The following ZNF331 variants were observed in gnomAD, a reference collection of about 807,000 sequenced individuals.
ZNF331 encodes C2H2-like zinc finger protein rearranged in thyroid adenomas.
Under a neutral mutation model 7.0 loss-of-function variants are expected in ZNF331, and 2 were observed. That is an observed-to-expected ratio of 0.29 (90% CI 0.12 to 0.90). ZNF331 has a LOEUF of 0.90. Ranked by LOEUF, ZNF331 falls within the 40% of genes least tolerant of loss-of-function variation. The pLI is 0.58. For synonymous variants in ZNF331, 196 were observed against 205.4 expected, an observed-to-expected ratio of 0.95 and a Z score of 0.39; for missense variants, 432 against 587.7, an observed-to-expected ratio of 0.74 and a Z score of 2.74.
At position 53,568,194 on chromosome 19, in the gene ZNF331, G is replaced by A. The variant is rs558727866; in HGVS notation, c.-73-1110G>A. Reference sequence around the variant, plus strand: ...CGGGAGGCAGAGGTTGTGGTAGGCCGAGATCGTGCCACTGCACTCCAGCCT... The same window carrying A: ...CGGGAGGCAGAGGTTGTGGTAGGCCAAGATCGTGCCACTGCACTCCAGCCT... On this transcript the variant is annotated intron_variant, in intron 3 of 5. Transcript: ENST00000449416. 1.1e-3 allele frequency among the ~76,000 whole-genome samples: 166 copies of A among 151,216 alleles called. 1 individual carries two copies. Among genetic ancestry groups the A allele is most frequent in the African/African-American group, 3.9e-3 (159 of 41,152 alleles).
rs763277282 is a variant in ZNF331 at position 53,579,427 on chromosome 19, T to C, written c.*1475T>C. ...TGTGCGTTGTCCAGCACACAGACACTATGTGCATTATTTGTACATAAGGAT... is the reference window on the plus strand; with the variant it reads ...TGTGCGTTGTCCAGCACACAGACACCATGTGCATTATTTGTACATAAGGAT... On this transcript the variant is annotated 3_prime_UTR_variant, in exon 6 of 6. Transcript: ENST00000449416. 1 of 160,888 alleles carries C rather than the reference T, an allele frequency of 6.2e-6. No homozygotes were observed. 10.0% of individuals were successfully genotyped at this position (160,888 alleles called of 1,614,324 possible).
rs772393977 is a variant in ZNF331 at position 53,571,769 on chromosome 19, G to C, written c.136+39G>C. The C allele has an allele frequency of 1.9e-6, 3 of 1,570,616 alleles. No individual in the cohort carries two copies. The highest frequency in any genetic ancestry group is 1.7e-6 in the Non-Finnish European group (2 of 1,158,892). Reference sequence around the variant, plus strand: ...CTCAGATAACTTAGACTGCCTCCTGGAATATCCGCTCTCCCCTGTGAATTT... The same window carrying C: ...CTCAGATAACTTAGACTGCCTCCTGCAATATCCGCTCTCCCCTGTGAATTT... On this transcript the variant is annotated intron_variant, in intron 5 of 5. Coordinates refer to ENST00000449416, the MANE Select transcript of ZNF331 (RefSeq NM_001079906.2). This position sits in a 1 kb window ranked among gnomAD's most constrained non-coding sequence, Gnocchi z 4.7.
At chr19:53,533,064 C>T (rs1247098927) in intron 2 of ZNF331, among the ~76,000 whole-genome samples, 1 of 151,668 alleles carries the variant, frequency 6.6e-6, no homozygotes, top group African/African-American at 2.4e-5. Flanking sequence ...GTCATTTGTT[C>T]TTTTTCGAGT....
chr19:53,557,290 G>A (rs1477586204), intron 3 of ZNF331, among the ~76,000 whole-genome samples: 1 of 152,140 alleles, frequency 6.6e-6, no homozygotes, highest in Admixed American at 6.5e-5. Context: ...AGTTCTGGGG[G>A]CTGGAAGCCT....
chr19:53,506,560 G>A, the ZNF331 span, among the ~76,000 whole-genome samples: 1 of 147,902 alleles, frequency 6.8e-6, no homozygotes, highest in South Asian at 2.1e-4. Flanking sequence ...CTGGTCTACT[G>A]GCCCTTCGCA....
the ZNF331 span, among the ~76,000 whole-genome samples, chr19:53,504,795 G>A: frequency 0.19 from 28,709 of 152,122 alleles, 2,744 homozygotes; most frequent in African/African-American, 0.24. Context: ...GGTGATGCTG[G>A]GACAGATGTG....
intron 3 of ZNF331, among the ~76,000 whole-genome samples, chr19:53,557,691 G>A (rs184507709): frequency 3.1e-4 from 47 of 152,274 alleles, no homozygotes; most frequent in African/African-American, 1.0e-3. Context: ...GGCCGGGTGC[G>A]GTGGCCCACA....
chr19:53,552,678 G>A (rs1600348436), intron 2 of ZNF331, among the ~76,000 whole-genome samples: 2 of 152,272 alleles, frequency 1.3e-5, no homozygotes, highest in African/African-American at 4.8e-5. Flanking sequence ...GTTGCAGTGT[G>A]GTTGAGATTG....
chr19:53,558,124 A>G lies in ZNF331; in HGVS notation c.-74+2216A>G, dbSNP rs2089553040. Among the ~76,000 whole-genome samples, 2 of 152,178 alleles carry G rather than the reference A, an allele frequency of 1.3e-5. No individual in the cohort carries two copies. The highest frequency in any genetic ancestry group is 4.8e-5 in the African/African-American group (2 of 41,452). On this transcript the variant is annotated intron_variant, in intron 3 of 5. Coordinates refer to ENST00000449416, the MANE Select transcript of ZNF331 (RefSeq NM_001079906.2). The surrounding 1 kb of genome is among the most constrained non-coding windows in gnomAD (Gnocchi z 4.5). The stretch of plus-strand genomic sequence containing the variant: ...ACTGTCCCACTCTGCCCCACTAGCC[A>G]CAAGACCAGGCCTCTGGGACATCTT...
the ZNF331 span, among the ~76,000 whole-genome samples, chr19:53,506,257 C>G: frequency 2.4e-5 from 3 of 126,880 alleles, no homozygotes; most frequent in African/African-American, 6.3e-5. Flanking sequence ...ATGGCGTGAA[C>G]CCGGGAGGCG....
At chr19:53,519,480 G>T (rs1316986088), upstream of ZNF331, among the ~76,000 whole-genome samples, 8 of 152,256 alleles carry the variant, frequency 5.3e-5, no homozygotes, top group East Asian at 1.5e-3. Context: ...CTGGGCAAAG[G>T]CCCAACTACA....
chr19:53,537,278 G>C (rs8105870), upstream of ZNF331: 39,438 of 152,132 alleles, frequency 0.26, 5,992 homozygotes, highest in African/African-American at 0.42. Context: ...GAATGAGAGC[G>C]GGACTCACGG....
chr19:53,544,461 C>T (rs1317811633), intron 2 of ZNF331, among the ~76,000 whole-genome samples: 1 of 148,932 alleles, frequency 6.7e-6, no homozygotes, highest in Non-Finnish European at 1.5e-5. Flanking sequence ...AGGAGAATGG[C>T]GTGAACCCAG....
At chr19:53,552,143 C>T (rs1464624761) in intron 2 of ZNF331, among the ~76,000 whole-genome samples, 1 of 152,092 alleles carries the variant, frequency 6.6e-6, no homozygotes, top group Admixed American at 6.6e-5. Context: ...CATAAATGTC[C>T]TATAACACAT....
chr19:53,574,603 C>G lies in ZNF331; in HGVS notation c.137-2094C>G, dbSNP rs368864676. Among the ~76,000 whole-genome samples the G allele has an allele frequency of 1.2e-4, 19 of 152,210 alleles. No homozygotes were observed. The East Asian group carries it at 2.3e-3, about 19-fold the overall frequency. On this transcript the variant is annotated intron_variant, in intron 5 of 5. Transcript: ENST00000449416. The stretch of plus-strand genomic sequence containing the variant: ...ATCATTCCTGAAAGTGGGTTAGCCT[C>G]GCTTTAAGTGCCCGTTTTCTTTTTC...
At chr19:53,530,886 G>A (rs1401401360) in intron 2 of ZNF331, among the ~76,000 whole-genome samples, 3 of 152,168 alleles carry the variant, frequency 2.0e-5, no homozygotes, top group Non-Finnish European at 4.4e-5. Context: ...TATCTTGGGG[G>A]CAATGGGACC....
At position 53,579,097 on chromosome 19, in the gene ZNF331, C is replaced by T. The variant is rs1394227483; in HGVS notation, c.*1145C>T. The stretch of plus-strand genomic sequence containing the variant: ...TACAGGCGTGAGCCACTGCACCTAG[C>T]CCACTGATCACTCTTCTGCTTACAG... On this transcript the variant is annotated 3_prime_UTR_variant, in exon 6 of 6. Coordinates refer to ENST00000449416, the MANE Select transcript of ZNF331 (RefSeq NM_001079906.2). 4.6e-5 allele frequency: 9 copies of T among 195,964 alleles called. No individual in the cohort carries two copies. The highest frequency in any genetic ancestry group is 9.5e-5 in the Non-Finnish European group (9 of 94,418). 12.1% of individuals were successfully genotyped at this position (195,964 alleles called of 1,614,324 possible).
intron 3 of ZNF331, among the ~76,000 whole-genome samples, chr19:53,565,196 C>T (rs969806996): frequency 2.1e-4 from 32 of 152,064 alleles, no homozygotes; most frequent in African/African-American, 7.5e-4. Flanking sequence ...TGGTCAAGGC[C>T]GGTGGAGAAT....
At chr19:53,538,763 G>A (rs2147304762) in intron 1 of ZNF331, 1 of 153,106 alleles carries the variant, frequency 6.5e-6, no homozygotes, top group Non-Finnish European at 1.5e-5. Context: ...TGCTGGGATG[G>A]ATGATCGGGC....
Sources: allele counts gnomAD v4.1 joint callset (sites outside exome capture counted in the v4.1 genomes callset), GRCh38; gene constraint gnomAD v4.1.1; non-coding constraint Gnocchi (gnomAD v3.1); transcripts MANE v1.5; gene names NCBI Gene and HGNC (gene_info 2026-07-23, HGNC 2026-07-21).